Variants in DOCK5 observed in about 807,000 individuals in gnomAD.
DOCK5 encodes the protein dedicator of cytokinesis 5.
DOCK5 carries 142 observed loss-of-function variants against 251.8 expected under a neutral mutation model. The observed-to-expected ratio is 0.56, with a 90% CI of 0.49 to 0.65. DOCK5 has a LOEUF of 0.65. Among genes scored for constraint, DOCK5 ranks in the 30% least tolerant of loss-of-function variants. DOCK5 has a pLI of 0.00. For synonymous variants in DOCK5, 842 were observed against 835.5 expected (o/e 1.01, Z -0.13); for missense variants, 2,111 against 2,312.3 (o/e 0.91, Z 1.79).
chr8:25,299,139 A>C, intron 8 of DOCK5, 38 bp downstream of exon 8: 1 of 1,601,966 alleles, frequency 6.2e-7, no homozygotes, highest in Non-Finnish European at 8.5e-7. Flanking sequence ...TGACCTAACA[A>C]AGATACCCAG....
rs1801383973 is a variant in DOCK5, at chr8:25,184,763, CGAG to C, written c.-141_-139del. ...ACGGGCACGGGCGCGGGCGGCGCGG[CGAG>C]GAGGCGGCCCGCGGAGTCCAGCGAA... is the stretch of plus-strand genomic sequence containing the variant. On this transcript the variant is annotated 5_prime_UTR_variant, in exon 1 of 52. Coordinates refer to ENST00000276440, the MANE Select transcript of DOCK5 (RefSeq NM_024940.8). 1.5e-6 allele frequency: 1 copy of C among 669,222 alleles called. No individual in the cohort carries two copies. Among genetic ancestry groups the C allele is most frequent in the African/African-American group, 1.9e-5 (1 of 51,920 alleles). 41.5% of individuals were successfully genotyped at this position (669,222 alleles called of 1,614,324 possible). A position where few individuals can be genotyped will look rare whatever the true frequency, so the allele number is the denominator to read the frequency against.
chr8:25,331,132 C>G (rs1407795316), intron 18 of DOCK5, among the ~76,000 whole-genome samples: 2 of 151,660 alleles, frequency 1.3e-5, no homozygotes, highest in African/African-American at 4.8e-5. Context: ...GTATGTATTG[C>G]TACATTTACT....
intron 32 of DOCK5, 41 bp downstream of exon 32, chr8:25,368,291 A>G: frequency 1.3e-6 from 2 of 1,532,472 alleles, no homozygotes; most frequent in Non-Finnish European, 1.8e-6. Flanking sequence ...ACAACCTCTG[A>G]GTGATAAGCA....
chr8:25,407,967 T>C lies in DOCK5; in HGVS notation c.5094-16T>C, dbSNP rs760532994. ...GATCAGTATTTGTGATGTTTGTCCT[T>C]GTTCCTGGCCAATAGCTCAATCTTG... On this transcript the variant is annotated splice_polypyrimidine_tract_variant and intron_variant, in intron 48 of 51. Coordinates refer to ENST00000276440, the MANE Select transcript of DOCK5 (RefSeq NM_024940.8). 181 of 1,605,950 alleles carry C rather than the reference T, an allele frequency of 1.1e-4. No individual in the cohort carries two copies. Among genetic ancestry groups the C allele is most frequent in the Non-Finnish European group, 1.5e-4 (173 of 1,176,308 alleles).
intron 1 of DOCK5, among the ~76,000 whole-genome samples, chr8:25,229,676 T>C (rs1482836685): frequency 1.3e-5 from 2 of 152,150 alleles, no homozygotes; most frequent in East Asian, 1.9e-4. Context: ...TACATATATA[T>C]ATGAAGAAGG....
At chr8:25,253,327 G>T (rs1429747903) in intron 2 of DOCK5, among the ~76,000 whole-genome samples, 1 of 152,050 alleles carries the variant, frequency 6.6e-6, no homozygotes, top group Admixed American at 6.6e-5. Flanking sequence ...GAGTACTCTG[G>T]AGGAATATTC....
chr8:25,387,330 C>T (rs1801182895), intron 40 of DOCK5, among the ~76,000 whole-genome samples: 1 of 152,146 alleles, frequency 6.6e-6, no homozygotes, highest in South Asian at 2.1e-4. Flanking sequence ...AGGTGTGCAC[C>T]ATCACGCCCA....
intron 18 of DOCK5, among the ~76,000 whole-genome samples, chr8:25,326,833 A>G (rs1231188327): frequency 6.6e-6 from 1 of 152,216 alleles, no homozygotes; most frequent in Non-Finnish European, 1.5e-5. Context: ...CAAATGTCTG[A>G]TAGTCAGGGT....
At chr8:25,201,113 G>T (rs1801870539) in intron 1 of DOCK5, among the ~76,000 whole-genome samples, 1 of 152,084 alleles carries the variant, frequency 6.6e-6, no homozygotes, top group South Asian at 2.1e-4. Context: ...CACCATTTTG[G>T]TCAGGCTGGT....
At chr8:25,332,426 C>A in intron 19 of DOCK5, 78 bp downstream of exon 19, 1 of 1,274,932 alleles carries the variant, frequency 7.8e-7, no homozygotes, top group South Asian at 1.4e-5. Flanking sequence ...ATTGGTTCAC[C>A]ATTTAAAATT....
At position 25,334,216 on chromosome 8, in the gene DOCK5, A is replaced by G. The variant is rs1805746692; in HGVS notation, c.2192+20A>G. 6.3e-7 allele frequency: 1 copy of G among 1,578,184 alleles called. No individual in the cohort carries two copies. The highest frequency in any genetic ancestry group is 1.3e-5 in the African/African-American group (1 of 74,208). ...ATATGTGTAAGTATGATCTGAAGGAACTACATGTTGTTGGATCTTTGGATT... is the reference window on the plus strand; with the variant it reads ...ATATGTGTAAGTATGATCTGAAGGAGCTACATGTTGTTGGATCTTTGGATT... On this transcript the variant is annotated intron_variant, in intron 21 of 51. Coordinates refer to ENST00000276440, the MANE Select transcript of DOCK5 (RefSeq NM_024940.8).
chr8:25,229,996 C>T (rs575494766), intron 1 of DOCK5, among the ~76,000 whole-genome samples: 1 of 152,074 alleles, frequency 6.6e-6, no homozygotes, highest in Non-Finnish European at 1.5e-5. Flanking sequence ...ATAGTTTTCT[C>T]GTAAGTGAAA....
intron 45 of DOCK5, among the ~76,000 whole-genome samples, chr8:25,397,524 CA>C (rs1255302939): frequency 3.3e-5 from 5 of 152,312 alleles, no homozygotes; most frequent in Middle Eastern, 3.4e-3. Flanking sequence ...GACTCAACAC[CA>C]GAGACAAATT....
intron 37 of DOCK5, chr8:25,375,041 T>C: frequency 9.7e-7 from 1 of 1,034,228 alleles, no homozygotes. Flanking sequence ...TAAATAAATG[T>C]ATGTTGTGGT....
intron 1 of DOCK5, among the ~76,000 whole-genome samples, chr8:25,235,799 CTT>C (rs924321586): frequency 9.3e-5 from 12 of 128,580 alleles, no homozygotes; most frequent in Admixed American, 2.5e-4. Context: ...TTTTCTTTTC[CTT>C]TTTTTTTTTT....
At chr8:25,199,500 C>T (rs181047124) in intron 1 of DOCK5, among the ~76,000 whole-genome samples, 32 of 151,684 alleles carry the variant, frequency 2.1e-4, no homozygotes, top group Non-Finnish European at 3.7e-4. Context: ...TCTCCTGCCT[C>T]AGCCTCCCTA....
chr8:25,210,131 T>A (rs1438186456), intron 1 of DOCK5, among the ~76,000 whole-genome samples: 8 of 46,584 alleles, frequency 1.7e-4, no homozygotes, highest in African/African-American at 3.9e-4. Context: ...TATCTATCTA[T>A]CTATCGAGTA....
At chr8:25,295,982 G>T (rs971339733) in intron 6 of DOCK5, among the ~76,000 whole-genome samples, 1 of 152,016 alleles carries the variant, frequency 6.6e-6, no homozygotes, top group African/African-American at 2.4e-5. Context: ...ACTACACCTG[G>T]CTAATTTTTG....
At chr8:25,199,102 A>T (rs1801806015) in intron 1 of DOCK5, among the ~76,000 whole-genome samples, 1 of 152,162 alleles carries the variant, frequency 6.6e-6, no homozygotes. Flanking sequence ...TATTGACATG[A>T]CATCAGTTGC....
Sources: allele counts gnomAD v4.1 joint callset (sites outside exome capture counted in the v4.1 genomes callset), GRCh38; gene constraint gnomAD v4.1.1; transcripts MANE v1.5; gene names NCBI Gene and HGNC (gene_info 2026-07-23, HGNC 2026-07-21).